The following PTPRG variants were observed in gnomAD, a reference collection of about 807,000 sequenced individuals.
PTPRG encodes protein tyrosine phosphatase receptor type G.
PTPRG carries 102 observed loss-of-function variants against 165.3 expected under a neutral mutation model. The observed-to-expected ratio is 0.62, with a 90% CI of 0.53 to 0.73. The LOEUF is 0.73. Ranked by LOEUF, PTPRG falls within the 30% of genes least tolerant of loss-of-function variation. PTPRG has a pLI of 0.00. For synonymous variants in PTPRG, 675 were observed against 669.5 expected, an observed-to-expected ratio of 1.01 and a Z score of -0.13; for missense variants, 1,866 against 1,861.4, an observed-to-expected ratio of 1.00 and a Z score of -0.05.
chr3:61,932,260 T>A (rs896147163), intron 2 of PTPRG, among the ~76,000 whole-genome samples: 13 of 152,184 alleles, frequency 8.5e-5, no homozygotes, highest in African/African-American at 3.1e-4. Flanking sequence ...ATTACATAGA[T>A]TCTTGTAATG....
At chr3:62,150,337 G>C (rs1405225520) in intron 6 of PTPRG, among the ~76,000 whole-genome samples, 1 of 152,178 alleles carries the variant, frequency 6.6e-6, no homozygotes, top group Non-Finnish European at 1.5e-5. Context: ...GGCTGCACAG[G>C]ATGTAGGAAC....
At chr3:61,582,020 T>G (rs1253993048) in intron 1 of PTPRG, among the ~76,000 whole-genome samples, 12 of 152,064 alleles carry the variant, frequency 7.9e-5, no homozygotes. Context: ...CAGGCTGGAG[T>G]GCAGTGGCGT....
chr3:61,979,344 C>G (rs2040585152), intron 2 of PTPRG, among the ~76,000 whole-genome samples: 1 of 152,118 alleles, frequency 6.6e-6, no homozygotes, highest in South Asian at 2.1e-4. Flanking sequence ...GTTTTGATAA[C>G]TGAATTTTTG....
chr3:61,914,498 A>G (rs920165022), intron 2 of PTPRG, among the ~76,000 whole-genome samples: 4 of 152,234 alleles, frequency 2.6e-5, no homozygotes, highest in Admixed American at 6.5e-5. Flanking sequence ...ACAGCAGTGT[A>G]GGAGGCAGAT....
In PTPRG at chr3:61,992,985, C is replaced by G. The variant is rs147156714; in HGVS notation, c.370+3181C>G. On this transcript the variant is annotated intron_variant, in intron 3 of 29. Coordinates refer to ENST00000474889, the MANE Select transcript of PTPRG (RefSeq NM_002841.4). ...CTTGGCTATTCTGTGGATCTTAACA[C>G]GCCACATTAGTTCATAAATTTTTTA... 1.6e-3 allele frequency among the ~76,000 whole-genome samples: 246 copies of G among 152,060 alleles called. 2 individuals are homozygous for G. The highest frequency in any genetic ancestry group is 5.8e-3 in the African/African-American group (242 of 41,496).
chr3:61,631,427 C>A (rs1044094713), intron 1 of PTPRG, among the ~76,000 whole-genome samples: 2 of 152,170 alleles, frequency 1.3e-5, no homozygotes, highest in African/African-American at 2.4e-5. Flanking sequence ...TTACTGTTTG[C>A]TGCTATACCT....
rs567864602 is a variant in PTPRG, at chr3:61,707,868, A to G, written c.86-41010A>G. 1.2e-3 allele frequency among the ~76,000 whole-genome samples: 176 copies of G among 152,210 alleles called. 1 individual carries two copies. The highest frequency in any genetic ancestry group is 4.0e-3 in the African/African-American group (166 of 41,512). The stretch of plus-strand genomic sequence containing the variant: ...CAGTGGTGTGAACATGGTTCATTGC[A>G]GCCTTGACCTCCCTGTTTCAAGCAA... On this transcript the variant is annotated intron_variant, in intron 1 of 29. Transcript: ENST00000474889.
chr3:62,186,935 G>T (rs915465674), intron 8 of PTPRG, among the ~76,000 whole-genome samples: 12 of 152,194 alleles, frequency 7.9e-5, no homozygotes, highest in African/African-American at 2.9e-4. Flanking sequence ...GAGGAAGATG[G>T]CAAGCCATGA....
At chr3:61,965,487 CAAAA>C (rs56210593) in intron 2 of PTPRG, among the ~76,000 whole-genome samples, 1 of 80,202 alleles carries the variant, frequency 1.2e-5, no homozygotes, top group Non-Finnish European at 2.5e-5. Flanking sequence ...GACTCCGTCT[CAAAA>C]AAAAAAAAAA....
intron 19 of PTPRG, among the ~76,000 whole-genome samples, chr3:62,268,500 AAAAC>A (rs575408267): frequency 1.9e-3 from 292 of 152,270 alleles, no homozygotes; most frequent in Admixed American, 3.3e-3. Context: ...CTAAAAATTA[AAAAC>A]AAACAAAAAT....
At chr3:62,005,628 A>T (rs1447688103) in intron 4 of PTPRG, among the ~76,000 whole-genome samples, 1 of 151,838 alleles carries the variant, frequency 6.6e-6, no homozygotes, top group African/African-American at 2.4e-5. Context: ...CCTCATGCCA[A>T]AAATGGCCAG....
chr3:61,832,181 TG>T (rs1268600526), intron 2 of PTPRG, among the ~76,000 whole-genome samples: 1 of 152,214 alleles, frequency 6.6e-6, no homozygotes, highest in Non-Finnish European at 1.5e-5. Flanking sequence ...TCCATTTAGC[TG>T]TAATGGGCAC....
intron 3 of PTPRG, among the ~76,000 whole-genome samples, chr3:61,995,080 C>CTTTTTTTTTTT (rs1233679653): frequency 2.0e-4 from 22 of 107,396 alleles, no homozygotes; most frequent in African/African-American, 7.0e-4. Flanking sequence ...TCTTTTCTTT[C>CTTTTTTTTTTT]TTTCTTTTTT....
At position 62,203,188 on chromosome 3, in the gene PTPRG, G is replaced by A. The variant is rs1226567079; in HGVS notation, c.1393G>A (p.Ala465Thr). The change falls in exon 12 of 30, where the codon GCC (alanine) becomes ACC (threonine). Residue 465 changes from alanine to threonine, a missense_variant. Physicochemically the swap from Ala to Thr is moderately conservative, Grantham distance 58 (BLOSUM62 0). Transcript: ENST00000474889. The surrounding 1 kb of genome is among the most constrained non-coding windows in gnomAD (Gnocchi z 6.4). ...CCCTTTCCAGCCCACAGCGTCTCCT[G>A]CCTCTTCAGCCGACATGGCCCCCAT... The part of the protein sequence containing the change: ...VKTGVPTASP[A>T]SSADMAPISS... 1 of 1,594,508 alleles carries A rather than the reference G, an allele frequency of 6.3e-7. No homozygotes were observed. The highest frequency in any genetic ancestry group is 2.2e-5 in the East Asian group (1 of 44,458).
chr3:61,585,024 T>TG (rs1225385729), intron 1 of PTPRG, among the ~76,000 whole-genome samples: 6 of 152,160 alleles, frequency 3.9e-5, no homozygotes. Flanking sequence ...TTCACGCCTG[T>TG]AATCCCAGCA....
At chr3:62,192,570 G>A (rs1184759297) in intron 9 of PTPRG, among the ~76,000 whole-genome samples, 1 of 151,460 alleles carries the variant, frequency 6.6e-6, no homozygotes, top group Non-Finnish European at 1.5e-5. Flanking sequence ...CACCATGCCT[G>A]GCTAATTTTT....
At chr3:61,625,116 CCAACCTAATACCTCATTTTAACTTGA>C (rs1701571532) in intron 1 of PTPRG, among the ~76,000 whole-genome samples, 1 of 151,778 alleles carries the variant, frequency 6.6e-6, no homozygotes, top group South Asian at 2.1e-4. Context: ...CGATTAGGGT[CCAACCTAATACCTCATTTTAACTTGA>C]TTACCTCTGT....
intron 1 of PTPRG, among the ~76,000 whole-genome samples, chr3:61,632,301 CCT>C (rs1559532394): frequency 1.4e-5 from 2 of 140,238 alleles, no homozygotes; most frequent in Admixed American, 7.2e-5. Context: ...AGAGTGAGAC[CCT>C]GTTACACACG....
chr3:62,093,925 T>C (rs1350809455), intron 5 of PTPRG, among the ~76,000 whole-genome samples: 1 of 152,202 alleles, frequency 6.6e-6, no homozygotes, highest in Non-Finnish European at 1.5e-5. Context: ...TTACTACATC[T>C]GGTGAGAGAG....
Sources: gnomAD v4.1 joint callset for allele counts (sites outside exome capture counted in the v4.1 genomes callset) on GRCh38, gnomAD v4.1.1 for gene constraint, Gnocchi (gnomAD v3.1) non-coding constraint, MANE v1.5 for transcripts, NCBI Gene and HGNC (gene_info 2026-07-23, HGNC 2026-07-21) for gene names.